CUX2: variants seen among roughly 807,000 people sequenced by gnomAD.
The protein encoded by CUX2 is cut like homeobox 2.
A neutral mutation model predicts 144.8 loss-of-function variants in CUX2; 40 were observed. That is an observed-to-expected ratio of 0.28 (90% CI 0.21 to 0.36). CUX2 has a LOEUF of 0.36. CUX2 is among the 10% of genes least tolerant of loss of function. The pLI, the probability that CUX2 is intolerant of heterozygous loss-of-function variation, is 1.00. For missense variants in CUX2, 1,615 were observed against 1,994.0 expected (o/e 0.81, Z 3.62); for synonymous variants, 827 against 875.6 (o/e 0.94, Z 0.98).
At chr12:111,197,421 T>G (rs1880307052) in intron 1 of CUX2, among the ~76,000 whole-genome samples, 1 of 152,210 alleles carries the variant, frequency 6.6e-6, no homozygotes, top group Non-Finnish European at 1.5e-5. Context: ...AGGCAGGGAC[T>G]TTGCGGTGGC....
intron 16 of CUX2, among the ~76,000 whole-genome samples, chr12:111,314,033 TC>T (rs1887046508): frequency 6.6e-6 from 1 of 151,770 alleles, no homozygotes; most frequent in Non-Finnish European, 1.5e-5. Flanking sequence ...TGGCCCTCCC[TC>T]CTGCCTGGTC....
At chr12:111,095,875 TG>T (rs1243203274) in intron 1 of CUX2, among the ~76,000 whole-genome samples, 1 of 152,256 alleles carries the variant, frequency 6.6e-6, no homozygotes, top group Non-Finnish European at 1.5e-5. Flanking sequence ...AGGAGCATGC[TG>T]GGTGCCATGT....
chr12:111,174,807 C>G (rs889975266), intron 1 of CUX2, among the ~76,000 whole-genome samples: 1 of 152,314 alleles, frequency 6.6e-6, no homozygotes, highest in Admixed American at 6.5e-5. Flanking sequence ...GTATCAGCAG[C>G]CTTCCCCAGG....
chr12:111,299,856 A>C (rs963534235), intron 9 of CUX2, among the ~76,000 whole-genome samples: 1 of 152,076 alleles, frequency 6.6e-6, no homozygotes, highest in African/African-American at 2.4e-5. Flanking sequence ...TGGTCAATCC[A>C]TTCACAAGCC....
rs746460540 is a variant in CUX2 at position 111,320,289 on chromosome 12, G to A, written c.2280G>A (p.Pro760=). The part of the protein sequence containing the change: ...GSGGPAQAPL[P]VLSPAAFVQS... ...GGGGCCCCGCGCAGGCGCCGCTCCC[G>A]GTCCTGTCCCCCGCCGCCTTCGTGC... The change falls in exon 17 of 22, where the codon CCG becomes CCA. Residue 760 remains proline, a synonymous_variant. Coordinates refer to ENST00000261726, the MANE Select transcript of CUX2 (RefSeq NM_015267.4). This position sits in a 1 kb window ranked among gnomAD's most constrained non-coding sequence, Gnocchi z 8.1. 82 of 1,596,682 alleles carry A rather than the reference G, an allele frequency of 5.1e-5. No individual in the cohort carries two copies. The highest frequency in any genetic ancestry group is 6.6e-5 in the Non-Finnish European group (78 of 1,178,660).
rs564048018 is a variant in CUX2 at position 111,128,326 on chromosome 12, C to T, written c.64-85874C>T. ...GTCCCAGGAAGGAGCTGTCTGCTTG[C>T]CAGTGGTGCCTACATATCCTGGAGA... On this transcript the variant is annotated intron_variant, in intron 1 of 21. Coordinates refer to ENST00000261726, the MANE Select transcript of CUX2 (RefSeq NM_015267.4). Among the ~76,000 whole-genome samples the T allele has an allele frequency of 1.1e-4, 17 of 152,294 alleles. No homozygotes were observed. The East Asian group carries it at 2.9e-3, about 26-fold the overall frequency.
rs183897003 is a variant in CUX2 at position 111,040,620 on chromosome 12, G to C, written c.63+6380G>C. On this transcript the variant is annotated intron_variant, in intron 1 of 21. Transcript: ENST00000261726. The stretch of plus-strand genomic sequence containing the variant: ...AAGCTTCCACCACTGTTTCCCCACT[G>C]TAATATGCAGATGTGCTCCCATATT... 5.9e-5 allele frequency among the ~76,000 whole-genome samples: 9 copies of C among 152,202 alleles called. No homozygotes were observed. The East Asian group carries it at 1.7e-3, about 29-fold the overall frequency.
chr12:111,224,575 T>C (rs1355775614), intron 3 of CUX2, among the ~76,000 whole-genome samples: 4 of 149,522 alleles, frequency 2.7e-5, no homozygotes, highest in Admixed American at 6.8e-5. Flanking sequence ...CTGTCTTTGA[T>C]GGCATAATTC....
rs1262729449 is a variant in CUX2, at chr12:111,061,588, C to T, written c.63+27348C>T. Reference sequence around the variant, plus strand: ...GTCTACACCCTCGTCCTGCTTTGCCCGCCTAAGTACATCCAACTCTACATC... The same window carrying T: ...GTCTACACCCTCGTCCTGCTTTGCCTGCCTAAGTACATCCAACTCTACATC... On this transcript the variant is annotated intron_variant, in intron 1 of 21. Transcript: ENST00000261726. The surrounding 1 kb of genome is among the most constrained non-coding windows in gnomAD (Gnocchi z 4.2). Among the ~76,000 whole-genome samples, 3 of 152,292 alleles carry T rather than the reference C, an allele frequency of 2.0e-5. No homozygotes were observed. Among genetic ancestry groups the T allele is most frequent in the Middle Eastern group, 3.4e-3 (1 of 294 alleles).
chr12:111,147,455 C>A (rs537545927), intron 1 of CUX2, among the ~76,000 whole-genome samples: 11 of 152,322 alleles, frequency 7.2e-5, no homozygotes, highest in African/African-American at 2.4e-4. Context: ...GTGCCCCTGT[C>A]TTTTCCCTAG....
chr12:111,114,171 T>G (rs1355102493), intron 1 of CUX2, among the ~76,000 whole-genome samples: 2 of 152,226 alleles, frequency 1.3e-5, no homozygotes, highest in Non-Finnish European at 2.9e-5. Flanking sequence ...AAATTTTTTC[T>G]AAAGTGGCTG....
intron 18 of CUX2, among the ~76,000 whole-genome samples, chr12:111,327,222 G>C (rs1229973479): frequency 1.3e-5 from 2 of 152,110 alleles, no homozygotes; most frequent in African/African-American, 4.8e-5. Flanking sequence ...TGTTTTCAAG[G>C]CTCATACAGG....
intron 1 of CUX2, among the ~76,000 whole-genome samples, chr12:111,203,085 C>T (rs764206763): frequency 1.7e-4 from 26 of 151,920 alleles, no homozygotes; most frequent in African/African-American, 3.6e-4. Flanking sequence ...TATAAAAATT[C>T]GCTGGGCGTG....
chr12:111,333,044 C>T (rs1457549704), intron 18 of CUX2, among the ~76,000 whole-genome samples: 1 of 152,080 alleles, frequency 6.6e-6, no homozygotes, highest in Non-Finnish European at 1.5e-5. Flanking sequence ...CCCGTCTCTA[C>T]TAAGAATACA....
At chr12:111,194,359 G>C (rs138322796) in intron 1 of CUX2, among the ~76,000 whole-genome samples, 1 of 152,170 alleles carries the variant, frequency 6.6e-6, no homozygotes, top group Non-Finnish European at 1.5e-5. Flanking sequence ...GGCTAGACCC[G>C]AGTTTGCAAA....
intron 1 of CUX2, among the ~76,000 whole-genome samples, chr12:111,177,105 C>T (rs1303815951): frequency 2.0e-5 from 3 of 152,144 alleles, no homozygotes; most frequent in African/African-American, 7.2e-5. Context: ...TGGGTCTTCC[C>T]CGTGCTGGGC....
chr12:111,286,020 G>T (rs1255986203), intron 4 of CUX2, among the ~76,000 whole-genome samples: 4 of 152,242 alleles, frequency 2.6e-5, no homozygotes, highest in African/African-American at 9.6e-5. Context: ...CCTCCCCAGT[G>T]TGACTTTCTA....
chr12:111,075,384 C>T (rs1004810673), intron 1 of CUX2, among the ~76,000 whole-genome samples: 8 of 152,090 alleles, frequency 5.3e-5, no homozygotes, highest in African/African-American at 1.7e-4. Flanking sequence ...GGGAGGATTC[C>T]TGGTGGTCCG....
Position 111,310,713 on chromosome 12 carries a change from G to A in CUX2, c.1900+31G>A, listed in dbSNP as rs1488928867. 6.4e-7 allele frequency: 1 copy of A among 1,552,046 alleles called. No individual in the cohort carries two copies. Among genetic ancestry groups the A allele is most frequent in the Non-Finnish European group, 8.7e-7 (1 of 1,145,254 alleles). ...TGCCCAAGAGGGCCCGTCCCCGCTG[G>A]CCACCACGCCAGGTCCAGGGCATCA... is the stretch of plus-strand genomic sequence containing the variant. On this transcript the variant is annotated intron_variant, in intron 15 of 21. Coordinates refer to ENST00000261726, the MANE Select transcript of CUX2 (RefSeq NM_015267.4). This position sits in a 1 kb window ranked among gnomAD's most constrained non-coding sequence, Gnocchi z 7.9.
Sources: allele counts gnomAD v4.1 joint callset (sites outside exome capture counted in the v4.1 genomes callset), GRCh38; gene constraint gnomAD v4.1.1; non-coding constraint Gnocchi (gnomAD v3.1); transcripts MANE v1.5; gene names NCBI Gene and HGNC (gene_info 2026-07-23, HGNC 2026-07-21).